MFSD8: variants seen among roughly 807,000 people sequenced by gnomAD.
The protein encoded by MFSD8 is major facilitator superfamily domain-containing protein 8.
MFSD8 carries 55 observed loss-of-function variants against 66.4 expected under a neutral mutation model. That is an observed-to-expected ratio of 0.83 (90% CI 0.67 to 1.04). The LOEUF is 1.04. Ranked by LOEUF, MFSD8 falls within the 50% of genes least tolerant of loss-of-function variation. The pLI, the probability that MFSD8 is intolerant of heterozygous loss-of-function variation, is 0.00. For synonymous variants in MFSD8, 202 were observed against 212.8 expected, an observed-to-expected ratio of 0.95 and a Z score of 0.44; for missense variants, 550 against 627.6, an observed-to-expected ratio of 0.88 and a Z score of 1.32.
chr4:127,938,321 C>T (rs376869410), intron 7 of MFSD8, among the ~76,000 whole-genome samples: 51 of 152,110 alleles, frequency 3.4e-4, no homozygotes, highest in East Asian at 2.1e-3. Flanking sequence ...AATTTGCTCA[C>T]GCCTGTAATC....
chr4:127,962,069 T>C (rs766692311), intron 1 of MFSD8, among the ~76,000 whole-genome samples: 1 of 152,162 alleles, frequency 6.6e-6, no homozygotes, highest in Non-Finnish European at 1.5e-5. Context: ...AAAACAACTG[T>C]TGCTGCCAGA....
At chr4:127,954,273 C>T (rs535808803) in intron 2 of MFSD8, among the ~76,000 whole-genome samples, 129 of 152,212 alleles carry the variant, frequency 8.5e-4, no homozygotes, top group African/African-American at 3.0e-3. Flanking sequence ...TTGTATTTTA[C>T]TTTTTGTATG....
intron 4 of MFSD8, among the ~76,000 whole-genome samples, chr4:127,942,806 AG>A (rs1357021411): frequency 6.6e-6 from 1 of 152,244 alleles, no homozygotes; most frequent in Non-Finnish European, 1.5e-5. Flanking sequence ...ATGTAATATA[AG>A]AAACAGAAAA....
chr4:127,940,103 T>TC, intron 5 of MFSD8, 106 bp from the exon 6 acceptor site: 4 of 1,079,732 alleles, frequency 3.7e-6, no homozygotes, highest in Non-Finnish European at 5.4e-6. Context: ...TATGGAATCA[T>TC]CCTTCTATAT....
chr4:127,939,604 C>CAA (rs10553488), intron 6 of MFSD8: 291 of 80,986 alleles, frequency 3.6e-3, no homozygotes, highest in South Asian at 9.8e-3. Context: ...GATCTTGTCT[C>CAA]AAAAAAAAAA....
chr4:127,943,719 A>G, intron 4 of MFSD8, 33 bp downstream of exon 4: 2 of 1,613,756 alleles, frequency 1.2e-6, no homozygotes, highest in East Asian at 4.5e-5. Flanking sequence ...GAATGTGAAT[A>G]TGACACAACC....
At chr4:127,929,310 G>A (rs544220798) in intron 9 of MFSD8, among the ~76,000 whole-genome samples, 4 of 91,138 alleles carry the variant, frequency 4.4e-5, no homozygotes, top group South Asian at 7.4e-4. Flanking sequence ...GCAACAGAGC[G>A]AGACTCCGTC....
intron 9 of MFSD8, among the ~76,000 whole-genome samples, chr4:127,929,900 A>C (rs1191382255): frequency 2.0e-5 from 3 of 152,210 alleles, no homozygotes; most frequent in Non-Finnish European, 4.4e-5. Context: ...CGAATGTATC[A>C]AATGATCACT....
intron 11 of MFSD8, chr4:127,921,064 T>G (rs558861067): frequency 2.9e-5 from 17 of 584,414 alleles, no homozygotes; most frequent in African/African-American, 2.4e-4. Flanking sequence ...GCTGAAGCCC[T>G]GGGAATAATA....
At chr4:127,923,591 A>ATTATTG (rs1312708722) in intron 9 of MFSD8, among the ~76,000 whole-genome samples, 4 of 142,728 alleles carry the variant, frequency 2.8e-5, no homozygotes, top group African/African-American at 1.0e-4. Context: ...TATTATTATT[A>ATTATTG]TTATTTGAGA....
At chr4:127,927,241 C>CAATG (rs2148862064) in intron 9 of MFSD8, among the ~76,000 whole-genome samples, 1 of 151,886 alleles carries the variant, frequency 6.6e-6, no homozygotes, top group East Asian at 1.9e-4. Context: ...GGCTGGAATG[C>CAATG]AATGGCTCAT....
Position 127,938,928 on chromosome 4 carries a change from A to C in MFSD8, c.699-90T>G, listed in dbSNP as rs1739610983. The stretch of plus-strand genomic sequence containing the variant: ...TTATCGGCATTGTATTTTTTTTCAC[A>C]TTCTAATATAGTTTCTTTTATTGGT... On this transcript the variant is annotated intron_variant, in intron 6 of 11. Coordinates refer to ENST00000641686, the MANE Select transcript of MFSD8 (RefSeq NM_001371596.2). The C allele has an allele frequency of 2.7e-5, 26 of 973,340 alleles. No homozygotes were observed. The South Asian group carries it at 3.9e-4, about 15-fold the overall frequency. The allele number at this position is 973,340 out of a possible 1,614,324, so 60.3% of individuals were successfully genotyped here. A position where few individuals can be genotyped will look rare whatever the true frequency, so the allele number is the denominator to read the frequency against.
At chr4:127,940,021 G>C (rs574194442) in intron 5 of MFSD8, 24 bp from the exon 6 acceptor site, 2 of 1,593,290 alleles carry the variant, frequency 1.3e-6, no homozygotes, top group Non-Finnish European at 1.7e-6. Flanking sequence ...AATTTTCACA[G>C]ATGAATTATT....
intron 2 of MFSD8, among the ~76,000 whole-genome samples, chr4:127,956,011 C>T (rs1312111672): frequency 2.0e-5 from 3 of 151,894 alleles, no homozygotes; most frequent in South Asian, 2.1e-4. Flanking sequence ...CCCAGCTACT[C>T]GGGAGGCTAA....
Position 127,939,971 on chromosome 4 carries a change from C to T in MFSD8, c.580G>A (p.Gly194Arg). 6 of 1,613,108 alleles carry T rather than the reference C, an allele frequency of 3.7e-6. No homozygotes were observed. The highest frequency in any genetic ancestry group is 5.1e-6 in the Non-Finnish European group (6 of 1,179,600). The stretch of plus-strand genomic sequence containing the variant: ...ACATCCCATGTCACACCTTTTTCTC[C>T]AAGGAATGTAAAACAAGTCTGAAAA... ...PVFQTCFTFL[G>R]EKGVTWDVIK... The change falls in exon 6 of 12, where the codon GGA becomes AGA. Residue 194 changes from glycine (G) to arginine (R), a missense_variant. Transcript: ENST00000641686.
intron 2 of MFSD8, 141 bp downstream of exon 2, chr4:127,957,360 A>G (rs1743061743): frequency 1.5e-6 from 1 of 651,490 alleles, no homozygotes; most frequent in Non-Finnish European, 2.7e-6. Flanking sequence ...GAACTTAGAT[A>G]TGGTAACACG....
At chr4:127,959,801 A>G (rs1006453209) in intron 1 of MFSD8, among the ~76,000 whole-genome samples, 8 of 152,238 alleles carry the variant, frequency 5.3e-5, no homozygotes, top group Non-Finnish European at 8.8e-5. Context: ...TATAACTTCA[A>G]TGAAAAAAAT....
intron 3 of MFSD8, chr4:127,945,284 T>C (rs1740849392): frequency 6.6e-6 from 1 of 152,086 alleles, no homozygotes; most frequent in Admixed American, 6.6e-5. Context: ...GACCTTTTGT[T>C]CCCTAAAGAT....
rs1242538083 is a variant in MFSD8 at position 127,919,381 on chromosome 4, A to T, written c.*1249T>A. 1.3e-5 allele frequency: 2 copies of T among 152,284 alleles called. No individual in the cohort carries two copies. Among genetic ancestry groups the T allele is most frequent in the East Asian group, 3.9e-4 (2 of 5,182 alleles). 9.4% of individuals were successfully genotyped at this position (152,284 alleles called of 1,614,324 possible). ...TATAGTGTTTATTCTCAGATTTGAAACTATTTCTAACTTAAAGTAGAAAAC... is the reference window on the plus strand; with the variant it reads ...TATAGTGTTTATTCTCAGATTTGAATCTATTTCTAACTTAAAGTAGAAAAC... On this transcript the variant is annotated 3_prime_UTR_variant, in exon 12 of 12. Transcript: ENST00000641686.
Sources: allele counts gnomAD v4.1 joint callset (sites outside exome capture counted in the v4.1 genomes callset), GRCh38; gene constraint gnomAD v4.1.1; transcripts MANE v1.5; gene names NCBI Gene and HGNC (gene_info 2026-07-23, HGNC 2026-07-21).